The following INPP5F variants were observed in gnomAD, a reference collection of about 807,000 sequenced individuals.
INPP5F encodes the protein phosphatidylinositide 4-phosphatase SAC2.
A neutral mutation model predicts 137.2 loss-of-function variants in INPP5F; 97 were observed. The observed-to-expected ratio is 0.71, with a 90% confidence interval of 0.60 to 0.84. The LOEUF (loss-of-function observed/expected upper bound fraction) is 0.84. INPP5F is among the 40% of genes least tolerant of loss of function. INPP5F has a pLI of 0.00. For synonymous variants in INPP5F, 504 were observed against 476.9 expected (o/e 1.06, Z -0.74); for missense variants, 1,271 against 1,371.9 (o/e 0.93, Z 1.16).
chr10:119,805,489 A>G, intron 11 of INPP5F, 28 bp downstream of exon 11: 2 of 1,447,136 alleles, frequency 1.4e-6, no homozygotes, highest in Non-Finnish European at 1.9e-6. Context: ...ACTCCTTTTT[A>G]CAGACTCTGG....
At chr10:119,753,174 G>A (rs1276880020) in intron 2 of INPP5F, among the ~76,000 whole-genome samples, 1 of 152,128 alleles carries the variant, frequency 6.6e-6, no homozygotes, top group African/African-American at 2.4e-5. Flanking sequence ...ACAGCTGGGT[G>A]TTCTGAGCTA....
intron 1 of INPP5F, among the ~76,000 whole-genome samples, chr10:119,746,804 G>A (rs1848546881): frequency 7.0e-6 from 1 of 143,172 alleles, no homozygotes; most frequent in Non-Finnish European, 1.5e-5. Flanking sequence ...TTTTTTTTGA[G>A]ACAGAGTCTT....
intron 1 of INPP5F, among the ~76,000 whole-genome samples, chr10:119,728,925 G>A (rs770351983): frequency 1.4e-4 from 21 of 152,110 alleles, no homozygotes; most frequent in Non-Finnish European, 2.5e-4. Context: ...TTCTTCCCCG[G>A]TGGGAAGTCC....
rs548817002 is a variant in INPP5F at position 119,740,820 on chromosome 10, C to T, written c.98-10256C>T. Among the ~76,000 whole-genome samples the T allele has an allele frequency of 1.2e-4, 18 of 152,274 alleles. No homozygotes were observed. The East Asian group carries it at 2.9e-3, about 24-fold the overall frequency. ...CCTCCCAAAGTGCTGGGATTACAGG[C>T]GCGAGCCACTGTGCCCGGCCCCATA... On this transcript the variant is annotated intron_variant, in intron 1 of 19. Transcript: ENST00000650623.
chr10:119,782,279 C>T (rs1022176282), intron 3 of INPP5F, among the ~76,000 whole-genome samples: 6 of 152,154 alleles, frequency 3.9e-5, no homozygotes, highest in African/African-American at 1.4e-4. Context: ...GAGCTCAAGT[C>T]CACAAGTAGA....
At chr10:119,819,604 G>T in intron 15 of INPP5F, 1 of 1,278,114 alleles carries the variant, frequency 7.8e-7, no homozygotes. Context: ...CTATGAAGCT[G>T]TCTGGATCGG....
At chr10:119,779,696 A>G (rs1027903327) in intron 2 of INPP5F, among the ~76,000 whole-genome samples, 23 of 152,156 alleles carry the variant, frequency 1.5e-4, no homozygotes, top group African/African-American at 5.3e-4. Context: ...CTGCAATTAC[A>G]GGCATGAATG....
chr10:119,726,316 G>A lies in INPP5F; in HGVS notation c.54G>A (p.Ala18=), dbSNP rs754432875. 3 of 1,480,830 alleles carry A rather than the reference G, an allele frequency of 2.0e-6. No individual in the cohort carries two copies. Among genetic ancestry groups the A allele is most frequent in the Non-Finnish European group, 2.7e-6 (3 of 1,114,062 alleles). The allele number at this position is 1,480,830 out of a possible 1,614,324, so 91.7% of individuals were successfully genotyped here. A position where few individuals can be genotyped will look rare whatever the true frequency, so the allele number is the denominator to read the frequency against. Residue 18 remains alanine, a synonymous_variant, in exon 1 of 20, where the codon GCG becomes GCA. Transcript: ENST00000650623. ...ACATCCTGCAGCAGGGCGAGCGCGC[G>A]CTGTGGTGCAGCCGCCGCGACGGCG... ...DHYILQQGER[A]LWCSRRDGGL...
intron 3 of INPP5F, among the ~76,000 whole-genome samples, chr10:119,783,104 A>G (rs527580197): frequency 1.3e-5 from 2 of 152,280 alleles, no homozygotes; most frequent in African/African-American, 2.4e-5. Flanking sequence ...ACTATTCACT[A>G]TTGCTGATCG....
intron 11 of INPP5F, among the ~76,000 whole-genome samples, chr10:119,805,796 A>G (rs576458207): frequency 6.6e-6 from 1 of 152,322 alleles, no homozygotes; most frequent in South Asian, 2.1e-4. Flanking sequence ...TCTTAGAGGT[A>G]CTTTGTCTCA....
chr10:119,822,168 G>A (rs981009691), intron 16 of INPP5F, among the ~76,000 whole-genome samples: 18 of 152,156 alleles, frequency 1.2e-4, no homozygotes, highest in African/African-American at 4.3e-4. Context: ...GATTACAGGT[G>A]TGAGCCACCA....
chr10:119,754,963 G>A (rs1182383022), intron 2 of INPP5F, among the ~76,000 whole-genome samples: 1 of 152,186 alleles, frequency 6.6e-6, no homozygotes, highest in Non-Finnish European at 1.5e-5. Flanking sequence ...GGAATAAAAT[G>A]TCTATACTGA....
intron 2 of INPP5F, among the ~76,000 whole-genome samples, chr10:119,774,090 C>A (rs760977581): frequency 6.6e-6 from 1 of 151,734 alleles, no homozygotes. Context: ...GGTGAAACCC[C>A]GTCTCTACTA....
At chr10:119,823,334 G>C in intron 18 of INPP5F, 135 bp downstream of exon 18, 1 of 784,046 alleles carries the variant, frequency 1.3e-6, no homozygotes, top group Admixed American at 3.1e-5. Context: ...TGGAATATGA[G>C]ACCTTGAAAT....
chr10:119,768,257 G>A (rs796417320), intron 2 of INPP5F: 45 of 152,300 alleles, frequency 3.0e-4, no homozygotes, highest in African/African-American at 1.1e-3. Flanking sequence ...GTCAAGTGTG[G>A]TGGCACATAC....
intron 2 of INPP5F, among the ~76,000 whole-genome samples, chr10:119,760,906 T>C (rs528930371): frequency 9.3e-4 from 142 of 152,354 alleles, no homozygotes; most frequent in Middle Eastern, 3.4e-3. Flanking sequence ...TAGGAAAGTA[T>C]TGAAGCTTTC....
At chr10:119,781,822 C>T in intron 3 of INPP5F, 51 bp downstream of exon 3, 1 of 1,439,314 alleles carries the variant, frequency 6.9e-7, no homozygotes, top group Non-Finnish European at 9.6e-7. Context: ...AATGTAATAG[C>T]AAATATGAGG....
At chr10:119,726,459 G>T (rs1047171927) in intron 1 of INPP5F, 100 bp downstream of exon 1, 13 of 564,076 alleles carry the variant, frequency 2.3e-5, no homozygotes, top group Non-Finnish European at 3.0e-5. Flanking sequence ...CCGCCTGCGG[G>T]CCTGGTGAGG....
At position 119,823,623 on chromosome 10, in the gene INPP5F, T is replaced by C. The variant is rs564738860; in HGVS notation, c.2162-192T>C. ...TTTCATTCTTTTGCTTTTGTTCTTTTAAAATGTTAGAACATTGTGAATTAA... is the reference window on the plus strand; with the variant it reads ...TTTCATTCTTTTGCTTTTGTTCTTTCAAAATGTTAGAACATTGTGAATTAA... On this transcript the variant is annotated intron_variant, in intron 18 of 19. Coordinates refer to ENST00000650623, the MANE Select transcript of INPP5F (RefSeq NM_014937.4). Among the ~76,000 whole-genome samples, 5 of 152,368 alleles carry C rather than the reference T, an allele frequency of 3.3e-5. No homozygotes were observed. In the South Asian group the frequency reaches 1.0e-3, roughly 32 times the overall value.
Sources: gnomAD v4.1 joint callset for allele counts (sites outside exome capture counted in the v4.1 genomes callset) on GRCh38, gnomAD v4.1.1 for gene constraint, MANE v1.5 for transcripts, NCBI Gene and HGNC (gene_info 2026-07-23, HGNC 2026-07-21) for gene names.